SGPP1: variants seen among roughly 807,000 people sequenced by gnomAD.
SGPP1 encodes the protein hSPP1.
In SGPP1, 21 loss-of-function variants were observed where a neutral mutation model predicts 33.0. That is an observed-to-expected ratio of 0.64 (90% CI 0.45 to 0.92). The LOEUF is 0.92. Ranked by LOEUF, SGPP1 falls within the 40% of genes least tolerant of loss-of-function variation. SGPP1 has a pLI of 0.00. For synonymous variants in SGPP1, 239 were observed against 241.2 expected, an observed-to-expected ratio of 0.99 and a Z score of 0.08; for missense variants, 543 against 589.4, an observed-to-expected ratio of 0.92 and a Z score of 0.81.
At chr14:63,724,726 C>CG (rs1276717080) in intron 1 of SGPP1, among the ~76,000 whole-genome samples, 4 of 143,330 alleles carry the variant, frequency 2.8e-5, no homozygotes, top group South Asian at 2.3e-4. Flanking sequence ...GGCCGATGAG[C>CG]GGGGGGCGGC....
rs1344659257 is a variant in SGPP1, at chr14:63,698,560, T to C, written c.774+9A>G. On this transcript the variant is annotated intron_variant, in intron 2 of 2. Transcript: ENST00000247225. ...AAATAAAGTATTAAGAAGACAACAT[T>C]TTCCTTACCAGAATAGAGTGCATTC... The C allele has an allele frequency of 4.1e-6, 6 of 1,465,032 alleles. No individual in the cohort carries two copies. The highest frequency in any genetic ancestry group is 1.4e-5 in the African/African-American group (1 of 69,898). 90.8% of individuals were successfully genotyped at this position (1,465,032 alleles called of 1,614,324 possible). A position where few individuals can be genotyped will look rare whatever the true frequency, so the allele number is the denominator to read the frequency against.
intron 1 of SGPP1, among the ~76,000 whole-genome samples, chr14:63,718,961 C>CAT (rs1437902489): frequency 2.2e-5 from 2 of 92,576 alleles, no homozygotes; most frequent in African/African-American, 8.3e-5. Flanking sequence ...AGTAAAAATT[C>CAT]ATATATATGT....
chr14:63,698,643 C>CATAT lies in SGPP1; in HGVS notation c.696_699dup (p.Gly234IlefsTer17). 1 of 1,591,466 alleles carries CATAT rather than the reference C, an allele frequency of 6.3e-7. No homozygotes were observed. The highest frequency in any genetic ancestry group is 8.6e-7 in the Non-Finnish European group (1 of 1,168,978). On this transcript the variant is annotated frameshift_variant, in exon 2 of 3. Coordinates refer to ENST00000247225, the MANE Select transcript of SGPP1 (RefSeq NM_030791.4). LOFTEE classifies it high-confidence loss of function. Reference sequence around the variant, plus strand: ...CACCAGCAGGGAATAAGAATCAGTCCATATATAAGAGGGTACTAAAGGGGA... The same window carrying CATAT: ...CACCAGCAGGGAATAAGAATCAGTCCATATATATATAAGAGGGTACTAAAGGGGA...
At chr14:63,722,971 CAA>C (rs780291066) in intron 1 of SGPP1, among the ~76,000 whole-genome samples, 36 of 68,896 alleles carry the variant, frequency 5.2e-4, no homozygotes, top group Non-Finnish European at 5.2e-4. Context: ...GACCCTGTCT[CAA>C]AAAAAAAAAA....
chr14:63,723,408 T>G (rs917161292), intron 1 of SGPP1, among the ~76,000 whole-genome samples: 3 of 152,242 alleles, frequency 2.0e-5, no homozygotes, highest in African/African-American at 4.8e-5. Flanking sequence ...CAATCTCTCC[T>G]TTGTCTTATA....
Position 63,686,014 on chromosome 14 carries a change from A to C in SGPP1, c.*91T>G. 1 of 708,126 alleles carries C rather than the reference A, an allele frequency of 1.4e-6. No individual in the cohort carries two copies. Among genetic ancestry groups the C allele is most frequent in the Non-Finnish European group, 2.2e-6 (1 of 449,656 alleles). The allele number at this position is 708,126 out of a possible 1,614,324, so 43.9% of individuals were successfully genotyped here. ...AATTATTTAAGTTAAATTCCTGCAA[A>C]AGCCTAATTCTGACCTGGCTTTACC... On this transcript the variant is annotated 3_prime_UTR_variant, in exon 3 of 3. Transcript: ENST00000247225.
rs79307352 is a variant in SGPP1, at chr14:63,686,743, G to A, written c.775-87C>T. ...ATAATTTATATTTGACATTTCAAAT[G>A]TTGAATATACATAAATTTTTTAAAG... On this transcript the variant is annotated intron_variant, in intron 2 of 2. Coordinates refer to ENST00000247225, the MANE Select transcript of SGPP1 (RefSeq NM_030791.4). The A allele has an allele frequency of 5.0e-4, 474 of 952,900 alleles. 2 individuals carry two copies. In the East Asian group the frequency reaches 0.01, roughly 20 times the overall value. 59.0% of individuals were successfully genotyped at this position (952,900 alleles called of 1,614,324 possible). A position where few individuals can be genotyped will look rare whatever the true frequency, so the allele number is the denominator to read the frequency against.
At chr14:63,703,655 C>CAAAAAAA (rs36065588) in intron 1 of SGPP1, among the ~76,000 whole-genome samples, 1 of 38,916 alleles carries the variant, frequency 2.6e-5, no homozygotes, top group African/African-American at 7.9e-5. Context: ...GACTCCATCT[C>CAAAAAAA]AAAAAAAAAA....
chr14:63,715,143 A>C (rs946915603), intron 1 of SGPP1, among the ~76,000 whole-genome samples: 4 of 150,296 alleles, frequency 2.7e-5, no homozygotes, highest in African/African-American at 9.8e-5. Flanking sequence ...CCTACCAAGT[A>C]GTTGGGATTA....
At chr14:63,720,209 T>C (rs1885741985) in intron 1 of SGPP1, among the ~76,000 whole-genome samples, 1 of 147,180 alleles carries the variant, frequency 6.8e-6, no homozygotes, top group Admixed American at 6.8e-5. Context: ...AGGAGGATCA[T>C]TTGAGCCCAG....
chr14:63,707,282 TGCTA>T (rs1220524916), intron 1 of SGPP1, among the ~76,000 whole-genome samples: 1 of 152,024 alleles, frequency 6.6e-6, no homozygotes, highest in Non-Finnish European at 1.5e-5. Context: ...GTAAGGGAAG[TGCTA>T]TTTGCTACCA....
intron 1 of SGPP1, among the ~76,000 whole-genome samples, chr14:63,706,977 G>T: frequency 6.7e-6 from 1 of 149,112 alleles, no homozygotes; most frequent in Admixed American, 6.7e-5. Context: ...TGGAGGCAGA[G>T]GTTGCAATGA....
intron 1 of SGPP1, among the ~76,000 whole-genome samples, chr14:63,714,015 G>A (rs1015740736): frequency 2.6e-5 from 4 of 152,302 alleles, no homozygotes; most frequent in Admixed American, 1.3e-4. Context: ...TTTGGGAGAT[G>A]GGACAGACTT....
intron 2 of SGPP1, among the ~76,000 whole-genome samples, chr14:63,690,820 C>G (rs1046362575): frequency 6.6e-6 from 1 of 152,196 alleles, no homozygotes; most frequent in African/African-American, 2.4e-5. Context: ...AAGCAATTCT[C>G]CTGTCTCAGC....
intron 1 of SGPP1, among the ~76,000 whole-genome samples, chr14:63,720,972 T>C (rs1287455143): frequency 1.3e-5 from 2 of 152,174 alleles, no homozygotes; most frequent in African/African-American, 4.8e-5. Flanking sequence ...AACCTCTGCC[T>C]CCCAGGTTAA....
At chr14:63,707,441 A>C (rs1885438445) in intron 1 of SGPP1, among the ~76,000 whole-genome samples, 2 of 152,176 alleles carry the variant, frequency 1.3e-5, no homozygotes, top group African/African-American at 4.8e-5. Flanking sequence ...ATTCCAGATC[A>C]TGAGGAAGAA....
rs937582009 is a variant in SGPP1 at position 63,684,761 on chromosome 14, T to G, written c.*1344A>C. On this transcript the variant is annotated 3_prime_UTR_variant, in exon 3 of 3. Coordinates refer to ENST00000247225, the MANE Select transcript of SGPP1 (RefSeq NM_030791.4). ...CTATTAACGTAAGTACAACCACACT[T>G]CAAAATATAAAGGTAGACAGAAAAA... 1 of 152,314 alleles carries G rather than the reference T, an allele frequency of 6.6e-6. No homozygotes were observed. The highest frequency in any genetic ancestry group is 2.4e-5 in the African/African-American group (1 of 41,370). 9.4% of individuals were successfully genotyped at this position (152,314 alleles called of 1,614,324 possible).
chr14:63,712,215 T>G (rs1885537155), intron 1 of SGPP1, among the ~76,000 whole-genome samples: 1 of 152,210 alleles, frequency 6.6e-6, no homozygotes, highest in South Asian at 2.1e-4. Flanking sequence ...TTTCTAAGTC[T>G]TCTATAAATT....
intron 1 of SGPP1, among the ~76,000 whole-genome samples, chr14:63,711,012 TTTC>T (rs1566823008): frequency 2.0e-5 from 3 of 148,660 alleles, no homozygotes; most frequent in Non-Finnish European, 3.0e-5. Context: ...GATTGTTTTC[TTTC>T]TTTTTTTTTT....
Sources: gnomAD v4.1 joint callset for allele counts (sites outside exome capture counted in the v4.1 genomes callset) on GRCh38, gnomAD v4.1.1 for gene constraint, MANE v1.5 for transcripts, NCBI Gene and HGNC (gene_info 2026-07-23, HGNC 2026-07-21) for gene names.